LHFPL3: variants seen among roughly 807,000 people sequenced by gnomAD.
The protein encoded by LHFPL3 is LHFPL tetraspan subfamily member 3.
A neutral mutation model predicts 19.3 loss-of-function variants in LHFPL3; 5 were observed. That is an observed-to-expected ratio of 0.26 (90% confidence interval 0.14 to 0.54). The LOEUF (loss-of-function observed/expected upper bound fraction) is 0.54. Among genes scored for constraint, LHFPL3 ranks in the 20% least tolerant of loss-of-function variants. The probability of loss-of-function intolerance (pLI) is 0.94; values close to 1 mark genes in which losing one functional copy is unlikely to be tolerated. For synonymous variants in LHFPL3, 133 were observed against 126.2 expected (o/e 1.05, Z -0.36); for missense variants, 249 against 307.4 (o/e 0.81, Z 1.42).
intron 1 of LHFPL3, among the ~76,000 whole-genome samples, chr7:104,551,838 T>C (rs925469022): frequency 1.3e-5 from 2 of 152,106 alleles, no homozygotes; most frequent in Non-Finnish European, 2.9e-5. Flanking sequence ...AAGACACCAT[T>C]TGAAGCACAA....
chr7:104,803,187 C>A (rs12705279), intron 2 of LHFPL3, among the ~76,000 whole-genome samples: 41,970 of 152,158 alleles, frequency 0.28, 6,417 homozygotes, highest in Non-Finnish European at 0.35. Flanking sequence ...CATACCACTT[C>A]TTTGACATCC....
intron 1 of LHFPL3, among the ~76,000 whole-genome samples, chr7:104,521,025 T>C (rs542848537): frequency 4.8e-4 from 73 of 152,194 alleles, no homozygotes; most frequent in African/African-American, 1.8e-3. Context: ...TTCTAGTTCT[T>C]TTAATTGTGA....
intron 2 of LHFPL3, among the ~76,000 whole-genome samples, chr7:104,854,046 G>A (rs1791457236): frequency 6.6e-6 from 1 of 152,154 alleles, no homozygotes; most frequent in Non-Finnish European, 1.5e-5. Context: ...TCTTAGCTAG[G>A]ATGAACCCCT....
At chr7:104,403,672 A>G (rs1271913603) in intron 1 of LHFPL3, among the ~76,000 whole-genome samples, 3 of 152,114 alleles carry the variant, frequency 2.0e-5, no homozygotes, top group South Asian at 4.1e-4. Flanking sequence ...AAGAACTTCC[A>G]GGATCTGGCT....
At chr7:104,437,677 T>G (rs1042335062) in intron 1 of LHFPL3, among the ~76,000 whole-genome samples, 3 of 152,134 alleles carry the variant, frequency 2.0e-5, no homozygotes, top group Non-Finnish European at 2.9e-5. Flanking sequence ...TGCTTTACCA[T>G]CACCCATTTA....
At chr7:104,451,985 A>T (rs1464407370) in intron 1 of LHFPL3, among the ~76,000 whole-genome samples, 1 of 152,120 alleles carries the variant, frequency 6.6e-6, no homozygotes, top group East Asian at 1.9e-4. Context: ...ACCTCAGGTG[A>T]TCTGCCTGCC....
intron 2 of LHFPL3, among the ~76,000 whole-genome samples, chr7:104,789,795 G>A (rs1043412141): frequency 6.6e-6 from 1 of 152,156 alleles, no homozygotes; most frequent in Non-Finnish European, 1.5e-5. Context: ...TCAGGAAGCT[G>A]TGGTTGACTT....
intron 1 of LHFPL3, among the ~76,000 whole-genome samples, chr7:104,334,389 A>T (rs892923559): frequency 1.3e-5 from 2 of 152,124 alleles, no homozygotes; most frequent in African/African-American, 4.8e-5. Flanking sequence ...TCTACTGAAA[A>T]TACAAAAACT....
intron 1 of LHFPL3, among the ~76,000 whole-genome samples, chr7:104,540,061 T>A (rs1419546411): frequency 3.3e-5 from 5 of 152,168 alleles, no homozygotes; most frequent in Admixed American, 6.6e-5. Context: ...TTGCAATGTT[T>A]ACTGCCATAC....
At chr7:104,570,724 AGTTTG>A (rs1219586887) in intron 1 of LHFPL3, among the ~76,000 whole-genome samples, 1 of 151,924 alleles carries the variant, frequency 6.6e-6, no homozygotes, top group Non-Finnish European at 1.5e-5. Flanking sequence ...TACCTGTGAA[AGTTTG>A]TTACGTAGGT....
intron 2 of LHFPL3, among the ~76,000 whole-genome samples, chr7:104,875,052 TGCCCAG>T (rs1398551815): frequency 6.6e-6 from 1 of 152,022 alleles, no homozygotes; most frequent in Non-Finnish European, 1.5e-5. Flanking sequence ...CTCACTATTT[TGCCCAG>T]GCTGGTCTCG....
chr7:104,400,138 A>G (rs961981650), intron 1 of LHFPL3, among the ~76,000 whole-genome samples: 5 of 139,060 alleles, frequency 3.6e-5, no homozygotes, highest in African/African-American at 1.1e-4. Flanking sequence ...AAAAAAAAAA[A>G]AAAAAAAAAG....
At position 104,831,442 on chromosome 7, in the gene LHFPL3, C is replaced by T. The variant is rs547963126; in HGVS notation, c.683-74745C>T. 2.6e-5 allele frequency among the ~76,000 whole-genome samples: 4 copies of T among 152,122 alleles called. No homozygotes were observed. The South Asian group carries it at 8.3e-4, about 32-fold the overall frequency. On this transcript the variant is annotated intron_variant, in intron 2 of 2. Transcript: ENST00000424859. Reference sequence around the variant, plus strand: ...GTTTAAAAGACCAAGCAACGAACAACATTTACAGCCTGGAACTATATATGT... The same window carrying T: ...GTTTAAAAGACCAAGCAACGAACAATATTTACAGCCTGGAACTATATATGT...
At chr7:104,498,975 T>TC (rs796256617) in intron 1 of LHFPL3, among the ~76,000 whole-genome samples, 9 of 152,188 alleles carry the variant, frequency 5.9e-5, no homozygotes, top group African/African-American at 2.2e-4. Context: ...GATTTTTTTT[T>TC]CCATGAGGAC....
chr7:104,590,856 A>G (rs1346904309), intron 1 of LHFPL3, among the ~76,000 whole-genome samples: 1 of 151,902 alleles, frequency 6.6e-6, no homozygotes, highest in African/African-American at 2.4e-5. Context: ...TGATCCCTTT[A>G]CCATTATGTA....
chr7:104,875,916 A>T (rs1418103817), intron 2 of LHFPL3, among the ~76,000 whole-genome samples: 1 of 152,178 alleles, frequency 6.6e-6, no homozygotes, highest in Non-Finnish European at 1.5e-5. Context: ...CACGCACCAG[A>T]CTATCAGCTC....
intron 1 of LHFPL3, among the ~76,000 whole-genome samples, chr7:104,486,872 A>C (rs936759301): frequency 4.6e-5 from 7 of 152,076 alleles, no homozygotes; most frequent in Non-Finnish European, 7.4e-5. Flanking sequence ...ATTCATTGCT[A>C]TAAATATGTC....
At chr7:104,426,706 A>G (rs938702452) in intron 1 of LHFPL3, among the ~76,000 whole-genome samples, 34 of 152,240 alleles carry the variant, frequency 2.2e-4, no homozygotes, top group African/African-American at 7.2e-4. Flanking sequence ...CCTACCTTAT[A>G]TATAGTTTGG....
rs373937340 is a variant in LHFPL3 at position 104,429,742 on chromosome 7, A to G, written c.445+100518A>G. 5.8e-4 allele frequency among the ~76,000 whole-genome samples: 89 copies of G among 152,304 alleles called. 1 individual carries two copies. The highest frequency in any genetic ancestry group is 2.1e-3 in the African/African-American group (87 of 41,554). ...TCTTCATAAAGGTAGGATAATAATA[A>G]GTAACAGAGTTGTTTTGAAGTTTAA... On this transcript the variant is annotated intron_variant, in intron 1 of 2. Transcript: ENST00000424859.
Sources: allele counts gnomAD v4.1 joint callset (sites outside exome capture counted in the v4.1 genomes callset), GRCh38; gene constraint gnomAD v4.1.1; transcripts MANE v1.5; gene names NCBI Gene and HGNC (gene_info 2026-07-23, HGNC 2026-07-21).